TET1: variants seen among roughly 807,000 people sequenced by gnomAD.
TET1 encodes methylcytosine dioxygenase TET1.
TET1 carries 13 observed loss-of-function variants against 148.7 expected under a neutral mutation model. The observed-to-expected ratio is 0.09, with a 90% CI of 0.06 to 0.14. The LOEUF (loss-of-function observed/expected upper bound fraction) is 0.14, where lower values mean the gene tolerates loss of function less well. Ranked by LOEUF, TET1 falls within the 10% of genes least tolerant of loss-of-function variation. The pLI is 1.00. For synonymous variants in TET1, 907 were observed against 937.2 expected, an observed-to-expected ratio of 0.97 and a Z score of 0.59; for missense variants, 2,182 against 2,553.8, an observed-to-expected ratio of 0.85 and a Z score of 3.14.
intron 6 of TET1, among the ~76,000 whole-genome samples, chr10:68,658,617 TC>T (rs2055060065): frequency 6.6e-6 from 1 of 152,194 alleles, no homozygotes; most frequent in African/African-American, 2.4e-5. Flanking sequence ...TGCCAGGTGG[TC>T]ATTAAAACTC....
At position 68,646,528 on chromosome 10, in the gene TET1, C is replaced by A; in HGVS notation, c.3799C>A (p.His1267Asn). 6.2e-7 allele frequency: 1 copy of A among 1,614,150 alleles called. No individual in the cohort carries two copies. The highest frequency in any genetic ancestry group is 8.5e-7 in the Non-Finnish European group (1 of 1,180,012). Residue 1267 changes from histidine (H) to asparagine (N), a missense_variant, in exon 4 of 12, where the codon CAT (histidine) becomes AAT (asparagine). Physicochemically the swap from His to Asn is moderately conservative, Grantham distance 68 (BLOSUM62 1). Transcript: ENST00000373644. ...ACCATTGGATTCACTCAGCTTATTT[C>A]ATCTTAAAACGGAATCCAACGGGAA... ...VEPLDSLSLF[H>N]LKTESNGKAF...
intron 11 of TET1, among the ~76,000 whole-genome samples, chr10:68,687,948 G>A (rs1001266175): frequency 2.6e-5 from 4 of 151,978 alleles, no homozygotes; most frequent in African/African-American, 9.7e-5. Context: ...TTAAAAGACA[G>A]AGTCTTGCTA....
intron 1 of TET1, among the ~76,000 whole-genome samples, chr10:68,566,632 A>G (rs1170914945): frequency 2.0e-5 from 3 of 152,074 alleles, no homozygotes; most frequent in African/African-American, 4.8e-5. Context: ...ACTAATGTCT[A>G]TTTTAAAAGT....
Position 68,667,287 on chromosome 10 carries a change from A to G in TET1, c.4673+31A>G, listed in dbSNP as rs988570898. On this transcript the variant is annotated intron_variant, in intron 7 of 11. Transcript: ENST00000373644. ...TAAATCTGTTTTATACTGCCTTACC[A>G]TTCAGATCTCTATTACATATTGGTA... 2.6e-6 allele frequency: 4 copies of G among 1,559,118 alleles called. No homozygotes were observed. In the African/African-American group the frequency reaches 4.1e-5, roughly 16 times the overall value.
At chr10:68,611,849 GT>G (rs2054218674) in intron 3 of TET1, among the ~76,000 whole-genome samples, 51 of 142,196 alleles carry the variant, frequency 3.6e-4, no homozygotes, top group South Asian at 7.3e-4. Context: ...GGTGGGGGGG[GT>G]GGGGAGAGAG....
At chr10:68,627,520 C>A (rs567464002) in intron 3 of TET1, among the ~76,000 whole-genome samples, 2 of 151,940 alleles carry the variant, frequency 1.3e-5, no homozygotes, top group Non-Finnish European at 2.9e-5. Context: ...CGCTTGAACC[C>A]GTGAGGCAGA....
intron 2 of TET1, among the ~76,000 whole-genome samples, chr10:68,590,496 C>T (rs1003974855): frequency 1.3e-5 from 2 of 152,150 alleles, no homozygotes; most frequent in African/African-American, 2.4e-5. Flanking sequence ...CCCATTGAGT[C>T]TACTGGAGGT....
intron 2 of TET1, among the ~76,000 whole-genome samples, chr10:68,599,920 CCT>C (rs1432407871): frequency 6.6e-6 from 1 of 152,150 alleles, no homozygotes; most frequent in Non-Finnish European, 1.5e-5. Flanking sequence ...AAAACTCCTC[CCT>C]CTCTTTTTGT....
intron 5 of TET1, 93 bp downstream of exon 5, chr10:68,652,029 A>C: frequency 8.3e-7 from 1 of 1,208,034 alleles, no homozygotes; most frequent in South Asian, 1.4e-5. Context: ...CCGTGATTGA[A>C]AAATGATCAG....
At chr10:68,661,693 C>T (rs973698501) in intron 6 of TET1, among the ~76,000 whole-genome samples, 6 of 151,828 alleles carry the variant, frequency 4.0e-5, no homozygotes, top group Admixed American at 6.6e-5. Flanking sequence ...TTTCATTGCC[C>T]AGGCTGGTCT....
intron 8 of TET1, among the ~76,000 whole-genome samples, chr10:68,675,561 G>A (rs953070551): frequency 2.8e-5 from 4 of 141,688 alleles, no homozygotes; most frequent in African/African-American, 1.0e-4. Context: ...AACTATCCAC[G>A]TCATTTTTTT....
At chr10:68,640,328 A>G (rs554063132) in intron 3 of TET1, among the ~76,000 whole-genome samples, 13 of 151,380 alleles carry the variant, frequency 8.6e-5, no homozygotes, top group African/African-American at 2.4e-4. Flanking sequence ...CAGTGGCTCA[A>G]TCTCGGCTCA....
intron 3 of TET1, among the ~76,000 whole-genome samples, chr10:68,617,030 T>C (rs1589079910): frequency 7.2e-5 from 3 of 41,612 alleles, no homozygotes; most frequent in East Asian, 7.8e-4. Context: ...TTTTTTTTTT[T>C]TTTTTTTTTT....
chr10:68,588,893 A>G (rs2053888887), intron 2 of TET1, among the ~76,000 whole-genome samples: 2 of 151,400 alleles, frequency 1.3e-5, no homozygotes. Flanking sequence ...AGGCTGAGGC[A>G]GAAGGATCCC....
chr10:68,651,881 A>G lies in TET1; in HGVS notation c.4312A>G (p.Thr1438Ala), dbSNP rs1459190501. The G allele has an allele frequency of 6.2e-7, 1 of 1,613,866 alleles. No individual in the cohort carries two copies. Among genetic ancestry groups the G allele is most frequent in the African/African-American group, 1.3e-5 (1 of 74,926 alleles). The change falls in exon 5 of 12, where the codon ACA becomes GCA. Residue 1438 changes from threonine to alanine, a missense_variant. By Grantham distance (58) the Thr-to-Ala change is moderately conservative. Coordinates refer to ENST00000373644, the MANE Select transcript of TET1 (RefSeq NM_030625.3). ...VIQKDKGPYY[T>A]HLGAGPSVAA... ...ACAAAAAGACAAAGGCCCATATTAT[A>G]CACACCTTGGGGCAGGACCAAGTGT... is the stretch of plus-strand genomic sequence containing the variant.
At chr10:68,674,569 G>A in intron 8 of TET1, 2 of 543,336 alleles carry the variant, frequency 3.7e-6, no homozygotes, top group Non-Finnish European at 3.5e-6. Context: ...AGAAAATTCA[G>A]CTGATTACTG....
In TET1 at chr10:68,652,556, G is replaced by C. The variant is rs1351215230; in HGVS notation, c.4423G>C (p.Glu1475Gln). Residue 1475 changes from glutamate (E) to glutamine (Q), a missense_variant, in exon 6 of 12, where the codon GAA becomes CAA. Physicochemically the swap from Glu to Gln is conservative, Grantham distance 29. Coordinates refer to ENST00000373644, the MANE Select transcript of TET1 (RefSeq NM_030625.3). ...AGAAATAGTAGTGTACACCGGTAAA[G>C]AAGGGAAAAGCTCTCATGGGTGTCC... ...RIEIVVYTGKEGKSSHGCPIA... is the reference protein window; with the variant it reads ...RIEIVVYTGKQGKSSHGCPIA... The C allele has an allele frequency of 9.9e-6, 16 of 1,613,004 alleles. No individual in the cohort carries two copies. Among genetic ancestry groups the C allele is most frequent in the Non-Finnish European group, 1.4e-5 (16 of 1,179,402 alleles).
chr10:68,591,871 C>T (rs2053922766), intron 2 of TET1, among the ~76,000 whole-genome samples: 1 of 151,832 alleles, frequency 6.6e-6, no homozygotes, highest in Admixed American at 6.6e-5. Flanking sequence ...CACCACTGCA[C>T]TCCAGCCTGG....
intron 2 of TET1, among the ~76,000 whole-genome samples, chr10:68,597,030 A>ATTTTGTTTTTTTTTTTTTTTTTTT (rs2053996297): frequency 1.0e-5 from 1 of 98,894 alleles, no homozygotes; most frequent in African/African-American, 4.4e-5. Flanking sequence ...CAGCTAATGG[A>ATTTTGTTTTTTTTTTTTTTTTTTT]TTTTTTTTTT....
Sources: gnomAD v4.1 joint callset for allele counts (sites outside exome capture counted in the v4.1 genomes callset) on GRCh38, gnomAD v4.1.1 for gene constraint, MANE v1.5 for transcripts, NCBI Gene and HGNC (gene_info 2026-07-23, HGNC 2026-07-21) for gene names.